RBFOX3: variants seen among roughly 807,000 people sequenced by gnomAD.
RBFOX3 encodes RNA binding fox-1 homolog 3, also known as RNA binding protein fox-1 homolog 3.
Under a neutral mutation model 48.7 loss-of-function variants are expected in RBFOX3, and 17 were observed. That is an observed-to-expected ratio of 0.35 (90% CI 0.24 to 0.52). The LOEUF (loss-of-function observed/expected upper bound fraction) is 0.52, where lower values mean the gene tolerates loss of function less well. RBFOX3 is among the 20% of genes least tolerant of loss of function. The pLI, the probability that RBFOX3 is intolerant of heterozygous loss-of-function variation, is 0.94. For synonymous variants in RBFOX3, 212 were observed against 209.5 expected, an observed-to-expected ratio of 1.01 and a Z score of -0.10; for missense variants, 382 against 497.5, an observed-to-expected ratio of 0.77 and a Z score of 2.21.
In RBFOX3 at chr17:79,094,543, T is replaced by G. The variant is rs534952976; in HGVS notation, c.999-14A>C. 4.9e-5 allele frequency: 16 copies of G among 327,732 alleles called. No homozygotes were observed. Among genetic ancestry groups the G allele is most frequent in the South Asian group, 2.7e-4 (4 of 14,656 alleles). 20.3% of individuals were successfully genotyped at this position (327,732 alleles called of 1,614,324 possible). ...ACTCTGCCGTAACTAGGGAAGAGCG[T>G]GGGAGGGGGAGTGGGAGGAGGGTGG... is the stretch of plus-strand genomic sequence containing the variant. On this transcript the variant is annotated splice_polypyrimidine_tract_variant and intron_variant, in intron 13 of 14. Transcript: ENST00000693108.
intron 2 of RBFOX3, among the ~76,000 whole-genome samples, chr17:79,422,583 C>T (rs564368538): frequency 3.7e-4 from 56 of 152,352 alleles, no homozygotes; most frequent in Admixed American, 7.8e-4. Flanking sequence ...TGGGCAAGGC[C>T]CAGGGTCCAG....
intron 1 of RBFOX3, among the ~76,000 whole-genome samples, chr17:79,533,016 C>T (rs1235693457): frequency 6.6e-5 from 10 of 152,366 alleles, no homozygotes; most frequent in African/African-American, 1.7e-4. Context: ...GACAGAAAGA[C>T]GCAGCGCTTG....
intron 1 of RBFOX3, among the ~76,000 whole-genome samples, chr17:79,576,579 G>A (rs1170655332): frequency 1.3e-5 from 2 of 151,180 alleles, no homozygotes; most frequent in East Asian, 3.9e-4. Flanking sequence ...GATGGAGAAG[G>A]TGGAGATCAT....
chr17:79,355,493 C>G (rs2084806041), intron 2 of RBFOX3, among the ~76,000 whole-genome samples: 1 of 152,202 alleles, frequency 6.6e-6, no homozygotes, highest in Non-Finnish European at 1.5e-5. Context: ...CCAGGTCCTG[C>G]TGCCTGGGAA....
the RBFOX3 span, among the ~76,000 whole-genome samples, chr17:79,642,875 T>C: frequency 6.6e-6 from 1 of 152,200 alleles, no homozygotes; most frequent in African/African-American, 2.4e-5. Flanking sequence ...CAGCTACAAA[T>C]ATAGATCGAG....
intron 2 of RBFOX3, among the ~76,000 whole-genome samples, chr17:79,332,665 T>C (rs59453204): frequency 0.23 from 27,764 of 118,874 alleles, 3,716 homozygotes; most frequent in Non-Finnish European, 0.31. Flanking sequence ...CAAAGAGAGA[T>C]GGAGACAGAG....
At chr17:79,203,251 C>CAG (rs774712392) in intron 4 of RBFOX3, among the ~76,000 whole-genome samples, 6 of 145,140 alleles carry the variant, frequency 4.1e-5, no homozygotes, top group Non-Finnish European at 9.0e-5. Flanking sequence ...CCCTCACTGG[C>CAG]AGAGGATGGG....
intron 2 of RBFOX3, among the ~76,000 whole-genome samples, chr17:79,420,090 GCACT>G (rs1381842321): frequency 6.7e-5 from 10 of 149,448 alleles, no homozygotes; most frequent in African/African-American, 2.5e-4. Context: ...TCATGCCACT[GCACT>G]CTAGCCTGGG....
intron 1 of RBFOX3, among the ~76,000 whole-genome samples, chr17:79,560,127 T>C (rs1432296560): frequency 6.6e-6 from 1 of 151,614 alleles, no homozygotes; most frequent in Admixed American, 6.6e-5. Context: ...TCCTAGAAAA[T>C]CAGGTCCAAA....
chr17:79,271,449 C>T (rs1342790067), intron 3 of RBFOX3, among the ~76,000 whole-genome samples: 1 of 152,156 alleles, frequency 6.6e-6, no homozygotes, highest in African/African-American at 2.4e-5. Flanking sequence ...AAGCTTGGGT[C>T]GGATCCCTGT....
At chr17:79,564,564 T>C (rs986758745) in intron 1 of RBFOX3, among the ~76,000 whole-genome samples, 2 of 152,170 alleles carry the variant, frequency 1.3e-5, no homozygotes, top group Non-Finnish European at 2.9e-5. Context: ...CTTCTAGGAA[T>C]TGATCCTACA....
chr17:79,406,447 G>A (rs2063546651), intron 2 of RBFOX3, among the ~76,000 whole-genome samples: 1 of 152,166 alleles, frequency 6.6e-6, no homozygotes, highest in South Asian at 2.1e-4. Flanking sequence ...GTCCAGGCAG[G>A]ACAGCCACCT....
rs1393634016 is a variant in RBFOX3, at chr17:79,467,201, G to A, written c.-175+15253C>T. The stretch of plus-strand genomic sequence containing the variant: ...GGCTGCTGCAGACGGGGGGTCCTAG[G>A]GTCTCTCACCAGCCACACCGTGCTG... On this transcript the variant is annotated intron_variant, in intron 2 of 14. Transcript: ENST00000693108. Among the ~76,000 whole-genome samples the A allele has an allele frequency of 2.6e-5, 4 of 152,108 alleles. No homozygotes were observed. The East Asian group carries it at 7.9e-4, about 30-fold the overall frequency.
chr17:79,354,154 C>T lies in RBFOX3; in HGVS notation c.-174-46330G>A, dbSNP rs565789940. Among the ~76,000 whole-genome samples the T allele has an allele frequency of 7.5e-4, 114 of 152,310 alleles. 1 individual carries two copies. The highest frequency in any genetic ancestry group is 2.5e-3 in the African/African-American group (104 of 41,562). The stretch of plus-strand genomic sequence containing the variant: ...CCATCAGTTCAATGGGTGAACTATA[C>T]GGACAACGTCATTGTCACCCAGAGT... On this transcript the variant is annotated intron_variant, in intron 2 of 14. Coordinates refer to ENST00000693108, the MANE Select transcript of RBFOX3 (RefSeq NM_001350451.2).
chr17:79,336,520 G>T (rs1336230303), intron 2 of RBFOX3, among the ~76,000 whole-genome samples: 1 of 152,256 alleles, frequency 6.6e-6, no homozygotes, highest in African/African-American at 2.4e-5. Flanking sequence ...AGACAGAACT[G>T]TGCAAAGGGT....
intron 9 of RBFOX3, 21 bp downstream of exon 9, chr17:79,101,563 T>C (rs756232170): frequency 3.1e-5 from 48 of 1,547,856 alleles, no homozygotes; most frequent in Admixed American, 3.9e-5. Flanking sequence ...AGCAGCCTTG[T>C]GGGGGGACCC....
chr17:79,375,448 T>C (rs998677023), intron 2 of RBFOX3, among the ~76,000 whole-genome samples: 7 of 151,212 alleles, frequency 4.6e-5, no homozygotes, highest in East Asian at 3.9e-4. Flanking sequence ...TTGGGGAGTG[T>C]TGAGGGTAAT....
At position 79,103,995 on chromosome 17, in the gene RBFOX3, G is replaced by C. The variant is rs1330021050; in HGVS notation, c.414+78C>G. 4 of 1,308,280 alleles carry C rather than the reference G, an allele frequency of 3.1e-6. No homozygotes were observed. Among genetic ancestry groups the C allele is most frequent in the Non-Finnish European group, 4.3e-6 (4 of 927,360 alleles). 81.0% of individuals were successfully genotyped at this position (1,308,280 alleles called of 1,614,324 possible). On this transcript the variant is annotated intron_variant, in intron 7 of 14. Coordinates refer to ENST00000693108, the MANE Select transcript of RBFOX3 (RefSeq NM_001350451.2). This position sits in a 1 kb window ranked among gnomAD's most constrained non-coding sequence, Gnocchi z 6.1. The stretch of plus-strand genomic sequence containing the variant: ...CCTCGGGCGCGAAGCTCTCCAGGAA[G>C]GAAACGCACATTTCACACGTTAGCC...
chr17:79,331,396 C>A (rs1383991440), intron 2 of RBFOX3, among the ~76,000 whole-genome samples: 1 of 152,200 alleles, frequency 6.6e-6, no homozygotes, highest in Non-Finnish European at 1.5e-5. Flanking sequence ...CCCCTTCCTG[C>A]CTCCAAAGCC....
Sources: allele counts gnomAD v4.1 joint callset (sites outside exome capture counted in the v4.1 genomes callset), GRCh38; gene constraint gnomAD v4.1.1; non-coding constraint Gnocchi (gnomAD v3.1); transcripts MANE v1.5; gene names NCBI Gene and HGNC (gene_info 2026-07-23, HGNC 2026-07-21).